The following CREBL2 variants were observed in gnomAD, a reference collection of about 807,000 sequenced individuals.
CREBL2 encodes the protein cAMP responsive element binding protein like 2, also known as cAMP-responsive element-binding protein-like 2.
A neutral mutation model predicts 19.5 loss-of-function variants in CREBL2; 4 were observed. That is an observed-to-expected ratio of 0.20 (90% CI 0.10 to 0.47). The LOEUF is 0.47. Ranked by LOEUF, CREBL2 falls within the 20% of genes least tolerant of loss-of-function variation. The pLI is 0.98. For missense variants in CREBL2, 85 were observed against 145.1 expected, an observed-to-expected ratio of 0.59 and a Z score of 2.13; for synonymous variants, 42 against 46.6, an observed-to-expected ratio of 0.90 and a Z score of 0.40.
chr12:12,620,297 A>G (rs1298752944), intron 1 of CREBL2, among the ~76,000 whole-genome samples: 1 of 151,602 alleles, frequency 6.6e-6, no homozygotes, highest in Non-Finnish European at 1.5e-5. Flanking sequence ...CAAGTGGTGC[A>G]ATCATGGTTC....
At chr12:12,634,172 A>ATG (rs1318130727) in intron 1 of CREBL2, among the ~76,000 whole-genome samples, 1 of 130,210 alleles carries the variant, frequency 7.7e-6, no homozygotes, top group Non-Finnish European at 1.7e-5. Flanking sequence ...ATTGGAATAA[A>ATG]TGTACCCCCT....
At chr12:12,618,884 CAA>C (rs1566105352) in intron 1 of CREBL2, among the ~76,000 whole-genome samples, 1 of 152,152 alleles carries the variant, frequency 6.6e-6, no homozygotes, top group Non-Finnish European at 1.5e-5. Context: ...CCAAAAAATA[CAA>C]AAACCAGTCA....
chr12:12,621,010 C>T (rs1348078399), intron 1 of CREBL2, among the ~76,000 whole-genome samples: 1 of 152,094 alleles, frequency 6.6e-6, no homozygotes, highest in Non-Finnish European at 1.5e-5. Flanking sequence ...GAGTCCCCTC[C>T]AAAACAGGAA....
intron 3 of CREBL2, among the ~76,000 whole-genome samples, chr12:12,640,919 A>G (rs1470230590): frequency 6.6e-6 from 1 of 152,002 alleles, no homozygotes; most frequent in East Asian, 1.9e-4. Context: ...TTTGTTACTC[A>G]TGCTTTTGGT....
At chr12:12,632,401 A>T (rs991273727) in intron 1 of CREBL2, 2 of 152,170 alleles carry the variant, frequency 1.3e-5, no homozygotes, top group African/African-American at 4.8e-5. Context: ...AAAAAAAAGG[A>T]ATAACACAGT....
intron 1 of CREBL2, among the ~76,000 whole-genome samples, chr12:12,623,173 A>C (rs546964373): frequency 2.6e-4 from 39 of 151,784 alleles, no homozygotes; most frequent in Non-Finnish European, 5.2e-4. Flanking sequence ...ATCACTTTCA[A>C]AATATTGCTG....
intron 1 of CREBL2, among the ~76,000 whole-genome samples, chr12:12,624,859 A>G (rs1945388386): frequency 6.6e-6 from 1 of 152,140 alleles, no homozygotes; most frequent in Non-Finnish European, 1.5e-5. Context: ...AGGTCACACA[A>G]ATGAATTGAA....
intron 1 of CREBL2, among the ~76,000 whole-genome samples, chr12:12,619,794 A>C (rs1369694378): frequency 2.6e-5 from 4 of 152,222 alleles, no homozygotes; most frequent in Non-Finnish European, 5.9e-5. Context: ...CAGTTGAGGG[A>C]CTGATGCAGG....
rs112288602 is a variant in CREBL2 at position 12,619,651 on chromosome 12, T to C, written c.15+7464T>C. Among the ~76,000 whole-genome samples the C allele has an allele frequency of 5.3e-5, 8 of 152,338 alleles. 1 individual carries two copies. The highest frequency in any genetic ancestry group is 1.9e-4 in the African/African-American group (8 of 41,568). ...GTTTCTTCTCCCTTGACCTGCTGCATTCAATTAGAAAATAGAAATGTGTTA... is the reference window on the plus strand; with the variant it reads ...GTTTCTTCTCCCTTGACCTGCTGCACTCAATTAGAAAATAGAAATGTGTTA... On this transcript the variant is annotated intron_variant, in intron 1 of 3. Coordinates refer to ENST00000228865, the MANE Select transcript of CREBL2 (RefSeq NM_001310.4).
chr12:12,642,865 A>T lies in CREBL2; in HGVS notation c.*867A>T, dbSNP rs1370159715. The T allele has an allele frequency of 1.3e-5, 2 of 152,646 alleles. No homozygotes were observed. Among genetic ancestry groups the T allele is most frequent in the Non-Finnish European group, 2.9e-5 (2 of 68,032 alleles). 9.5% of individuals were successfully genotyped at this position (152,646 alleles called of 1,614,324 possible). On this transcript the variant is annotated 3_prime_UTR_variant, in exon 4 of 4. Transcript: ENST00000228865. ...TTTCTTATTGTATGTCTATATATGTATGTGGGGAGGACAGGAGTGAATGTT... is the reference window on the plus strand; with the variant it reads ...TTTCTTATTGTATGTCTATATATGTTTGTGGGGAGGACAGGAGTGAATGTT...
At chr12:12,628,552 G>A (rs999505605) in intron 1 of CREBL2, among the ~76,000 whole-genome samples, 1 of 152,208 alleles carries the variant, frequency 6.6e-6, no homozygotes, top group Non-Finnish European at 1.5e-5. Context: ...GTCATAAGGA[G>A]TAAATCCTCT....
chr12:12,627,770 A>T (rs1945413504), intron 1 of CREBL2, among the ~76,000 whole-genome samples: 1 of 152,130 alleles, frequency 6.6e-6, no homozygotes, highest in African/African-American at 2.4e-5. Context: ...TATAAACTTT[A>T]TGTTTAACTT....
At chr12:12,638,577 A>G (rs1164769702) in intron 3 of CREBL2, among the ~76,000 whole-genome samples, 1 of 152,126 alleles carries the variant, frequency 6.6e-6, no homozygotes, top group African/African-American at 2.4e-5. Flanking sequence ...GCACGAATCT[A>G]GCTTTTTGTT....
rs564879469 is a variant in CREBL2, at chr12:12,629,604, C to G, written c.16-6173C>G. ...ATAGCTTTACTTTTTCCTTTCCTTT[C>G]CCTGAATGCTTCCTATTTTTTCTTG... On this transcript the variant is annotated intron_variant, in intron 1 of 3. Coordinates refer to ENST00000228865, the MANE Select transcript of CREBL2 (RefSeq NM_001310.4). Among the ~76,000 whole-genome samples, 8 of 152,208 alleles carry G rather than the reference C, an allele frequency of 5.3e-5. No individual in the cohort carries two copies. In the East Asian group the frequency reaches 1.5e-3, roughly 29 times the overall value.
At chr12:12,625,050 A>G (rs1340060783) in intron 1 of CREBL2, among the ~76,000 whole-genome samples, 4 of 152,136 alleles carry the variant, frequency 2.6e-5, no homozygotes, top group African/African-American at 9.6e-5. Flanking sequence ...TCTCTCTGAC[A>G]TCTAGCCGTA....
At chr12:12,615,128 C>G (rs532496119) in intron 1 of CREBL2, among the ~76,000 whole-genome samples, 1 of 152,284 alleles carries the variant, frequency 6.6e-6, no homozygotes, top group South Asian at 2.1e-4. Flanking sequence ...GATTCTCCTG[C>G]GTCAGCCTCC....
intron 1 of CREBL2, among the ~76,000 whole-genome samples, chr12:12,621,448 G>A (rs1481849446): frequency 2.7e-5 from 4 of 150,812 alleles, no homozygotes; most frequent in Admixed American, 6.6e-5. Flanking sequence ...AACCTGGGAG[G>A]CAGAGGCTGT....
At chr12:12,624,383 A>C (rs932270329) in intron 1 of CREBL2, among the ~76,000 whole-genome samples, 1 of 152,192 alleles carries the variant, frequency 6.6e-6, no homozygotes, top group Admixed American at 6.5e-5. Context: ...CTGGGAACCT[A>C]TTGTAACAAC....
In CREBL2 at chr12:12,637,555, T is replaced by C. The variant is rs749701079; in HGVS notation, c.214-15T>C. 16 of 1,333,152 alleles carry C rather than the reference T, an allele frequency of 1.2e-5. No individual in the cohort carries two copies. Among genetic ancestry groups the C allele is most frequent in the Non-Finnish European group, 1.5e-5 (16 of 1,032,396 alleles). 82.6% of individuals were successfully genotyped at this position (1,333,152 alleles called of 1,614,324 possible). A position where few individuals can be genotyped will look rare whatever the true frequency, so the allele number is the denominator to read the frequency against. ...TTTAAATTTATATTTATATTTAAAA[T>C]TAAATATGTTTCAGTACAAGCAGTG... On this transcript the variant is annotated splice_polypyrimidine_tract_variant and intron_variant, in intron 2 of 3. Transcript: ENST00000228865.
Sources: allele counts gnomAD v4.1 joint callset (sites outside exome capture counted in the v4.1 genomes callset), GRCh38; gene constraint gnomAD v4.1.1; transcripts MANE v1.5; gene names NCBI Gene and HGNC (gene_info 2026-07-23, HGNC 2026-07-21).